Variants in COL5A3 observed in about 807,000 individuals in gnomAD.
COL5A3 encodes collagen type V alpha 3 chain.
A neutral mutation model predicts 250.0 loss-of-function variants in COL5A3; 172 were observed. The ratio of observed to expected loss-of-function variants is 0.69; its 90% CI spans 0.61 to 0.78. The LOEUF (loss-of-function observed/expected upper bound fraction) is 0.78. COL5A3 is among the 30% of genes least tolerant of loss of function. The probability of loss-of-function intolerance (pLI) is 0.00; values close to 1 mark genes in which losing one functional copy is unlikely to be tolerated. For synonymous variants in COL5A3, 937 were observed against 900.4 expected, an observed-to-expected ratio of 1.04 and a Z score of -0.73; for missense variants, 2,340 against 2,334.4, an observed-to-expected ratio of 1.00 and a Z score of -0.05.
chr19:9,993,381 C>T lies in COL5A3; in HGVS notation c.1748G>A (p.Arg583Lys). The T allele has an allele frequency of 1.9e-6, 3 of 1,614,162 alleles. No individual in the cohort carries two copies. The highest frequency in any genetic ancestry group is 2.5e-6 in the Non-Finnish European group (3 of 1,179,998). ...GCCCTAACTCTCTTCCAAACTTACC[C>T]TCTCACCATCCTCTCCTGGGGGACC... ...QPGPPGEDGERGAEGPPGPTG... is the reference protein window; with the variant it reads ...QPGPPGEDGEKGAEGPPGPTG... Residue 583 changes from arginine to lysine, a missense_variant and splice_region_variant, in exon 19 of 67, where the codon AGG becomes AAG. Around this residue, in one of 3 missense-constraint regions of COL5A3, gnomAD observed 1,152 missense variants for 1,146.3 expected, o/e 1.00. Coordinates refer to ENST00000264828, the MANE Select transcript of COL5A3 (RefSeq NM_015719.4).
intron 10 of COL5A3, 53 bp from the exon 11 acceptor site, chr19:9,997,486 C>T: frequency 7.9e-7 from 1 of 1,261,718 alleles, no homozygotes; most frequent in Non-Finnish European, 1.1e-6. Context: ...TTGAGCTAGG[C>T]TGACTTTCAA....
At chr19:10,007,002 T>C (rs1402073058) in intron 1 of COL5A3, among the ~76,000 whole-genome samples, 1 of 149,530 alleles carries the variant, frequency 6.7e-6, no homozygotes, top group East Asian at 2.0e-4. Flanking sequence ...TCCCTCTGAA[T>C]GTCTCCTCTG....
chr19:9,967,398 C>T lies in COL5A3; in HGVS notation c.4407G>A (p.Gly1469=), dbSNP rs201458409. ...CAGTGTCTCCACGGGGGCCCATGGA[C>T]CCCTGTAGGGAGAAGTCACTTGGAG... ...LGQKGSKGSP[G]SMGPRGDTGP... The change falls in exon 62 of 67, where the codon GGG becomes GGA. Residue 1469 remains glycine (G), a splice_region_variant and synonymous_variant. Coordinates refer to ENST00000264828, the MANE Select transcript of COL5A3 (RefSeq NM_015719.4). 1.3e-5 allele frequency: 19 copies of T among 1,491,348 alleles called. No homozygotes were observed. In the East Asian group the frequency reaches 5.2e-4, roughly 41 times the overall value. 92.4% of individuals were successfully genotyped at this position (1,491,348 alleles called of 1,614,324 possible). A position where few individuals can be genotyped will look rare whatever the true frequency, so the allele number is the denominator to read the frequency against.
intron 55 of COL5A3, 61 bp downstream of exon 55, chr19:9,969,808 G>A: frequency 6.3e-7 from 1 of 1,597,708 alleles, no homozygotes; most frequent in Non-Finnish European, 8.6e-7. Flanking sequence ...ACCCTCTCCT[G>A]ATGGCCCCAC....
chr19:9,983,338 TA>T (rs1212887390), intron 31 of COL5A3, among the ~76,000 whole-genome samples: 1 of 151,612 alleles, frequency 6.6e-6, no homozygotes, highest in Admixed American at 6.6e-5. Flanking sequence ...CCTGTCTCTG[TA>T]AAAAATTTAA....
At chr19:9,965,217 C>T (rs1204695886) in intron 64 of COL5A3, among the ~76,000 whole-genome samples, 3 of 147,440 alleles carry the variant, frequency 2.0e-5, no homozygotes, top group South Asian at 2.1e-4. Context: ...TTCAGTGACA[C>T]GATCTCGGCT....
chr19:9,977,714 G>A lies in COL5A3; in HGVS notation c.3019-13C>T. On this transcript the variant is annotated splice_polypyrimidine_tract_variant and intron_variant, in intron 41 of 66. Transcript: ENST00000264828. ...CACCAGGGGAGCCCTGAGAACAGGGGTGATGAATCAGGTATAATACCAGTA... is the reference window on the plus strand; with the variant it reads ...CACCAGGGGAGCCCTGAGAACAGGGATGATGAATCAGGTATAATACCAGTA... The A allele has an allele frequency of 1.3e-6, 2 of 1,552,832 alleles. No homozygotes were observed. Among genetic ancestry groups the A allele is most frequent in the African/African-American group, 1.4e-5 (1 of 72,952 alleles).
chr19:10,004,058 C>A lies in COL5A3; in HGVS notation c.682G>T (p.Ala228Ser). The A allele has an allele frequency of 6.2e-7, 1 of 1,613,700 alleles. No homozygotes were observed. The highest frequency in any genetic ancestry group is 8.5e-7 in the Non-Finnish European group (1 of 1,179,656). Reference protein sequence around the residue: ...ERYLPDCDNLAPAATVAPQGE... With the variant: ...ERYLPDCDNLSPAATVAPQGE... ...TCACTCACCACTGTGGCTGCCGGTG[C>A]CAGGTTGTCACAGTCGGGGAGGTAC... The change falls in exon 5 of 67, where the codon GCA becomes TCA. Residue 228 changes from alanine to serine, a missense_variant. Around this residue, in one of 3 missense-constraint regions of COL5A3, gnomAD observed 1,152 missense variants for 1,146.3 expected, o/e 1.00. Coordinates refer to ENST00000264828, the MANE Select transcript of COL5A3 (RefSeq NM_015719.4).
rs1280384957 is a variant in COL5A3, at chr19:9,993,650, A to G, written c.1664T>C (p.Leu555Pro). Reference sequence around the variant, plus strand: ...GCCCTTCTCACCAGGCAGCCCAGGGAGGCCATCGAAGCCACGATCACCCTG... The same window carrying G: ...GCCCTTCTCACCAGGCAGCCCAGGGGGGCCATCGAAGCCACGATCACCCTG... ...GPKGDRGFDG[L>P]PGLPGEKGQR... Residue 555 changes from leucine (L) to proline (P), a missense_variant, in exon 18 of 67, where the codon CTC (leucine) becomes CCC (proline). By Grantham distance (98) the Leu-to-Pro change is moderately conservative. Transcript: ENST00000264828. The G allele has an allele frequency of 1.9e-6, 3 of 1,614,062 alleles. No homozygotes were observed. The highest frequency in any genetic ancestry group is 1.7e-6 in the Non-Finnish European group (2 of 1,180,016).
intron 32 of COL5A3, 134 bp from the exon 33 acceptor site, chr19:9,981,266 C>T: frequency 1.4e-6 from 1 of 736,694 alleles, no homozygotes. Context: ...TTCAGTCATA[C>T]ACATACACAC....
intron 37 of COL5A3, 21 bp downstream of exon 37, chr19:9,979,818 A>G: frequency 6.3e-7 from 1 of 1,580,754 alleles, no homozygotes; most frequent in East Asian, 2.2e-5. Flanking sequence ...ATCAGGAATC[A>G]AAGGTTGAGG....
At position 9,997,411 on chromosome 19, in the gene COL5A3, G is replaced by C; in HGVS notation, c.1223C>G (p.Pro408Arg). The change falls in exon 11 of 67, where the codon CCT becomes CGT. Residue 408 changes from proline to arginine, a missense_variant. Pro to Arg is a moderately radical substitution (Grantham distance 103). Coordinates refer to ENST00000264828, the MANE Select transcript of COL5A3 (RefSeq NM_015719.4). The part of the protein sequence containing the change: ...GPQGVVGPSG[P>R]PGPPGFPGDP... ...GCCAGGGAATCCTGGGGGGCCGGGA[G>C]GGCCTGAGGGGCCAACCACCCCCTG... The C allele has an allele frequency of 6.2e-7, 1 of 1,608,746 alleles. No homozygotes were observed. Among genetic ancestry groups the C allele is most frequent in the Non-Finnish European group, 8.5e-7 (1 of 1,178,168 alleles).
At chr19:9,964,615 A>G (rs1276923528) in intron 64 of COL5A3, among the ~76,000 whole-genome samples, 14 of 152,094 alleles carry the variant, frequency 9.2e-5, no homozygotes, top group Admixed American at 9.2e-4. Context: ...AAAACAGACA[A>G]AAATAACAAT....
chr19:9,999,632 T>A (rs1233209270), intron 8 of COL5A3, among the ~76,000 whole-genome samples: 2 of 70,942 alleles, frequency 2.8e-5, no homozygotes, highest in South Asian at 3.2e-4. Flanking sequence ...GCCCAGCTAA[T>A]TTTTTTGTAT....
At chr19:10,005,068 T>C (rs1293080302) in intron 4 of COL5A3, among the ~76,000 whole-genome samples, 4 of 152,104 alleles carry the variant, frequency 2.6e-5, no homozygotes, top group Non-Finnish European at 5.9e-5. Context: ...TCACAATTTA[T>C]GGTCTTGGCC....
chr19:9,963,313 C>T (rs928966723), intron 64 of COL5A3, among the ~76,000 whole-genome samples: 2 of 152,064 alleles, frequency 1.3e-5, no homozygotes, highest in East Asian at 3.8e-4. Flanking sequence ...GCCTCAAACT[C>T]CTGGGCTCAA....
chr19:9,991,068 A>T (rs1021464087), intron 24 of COL5A3, among the ~76,000 whole-genome samples: 2 of 152,182 alleles, frequency 1.3e-5, no homozygotes, highest in Non-Finnish European at 2.9e-5. Context: ...CTACAAAAAA[A>T]GAAAATAAGA....
At chr19:9,976,252 G>C (rs2086920561) in intron 45 of COL5A3, among the ~76,000 whole-genome samples, 1 of 149,650 alleles carries the variant, frequency 6.7e-6, no homozygotes, top group African/African-American at 2.5e-5. Context: ...TTGGGTTGGG[G>C]TTGACTCCGA....
chr19:9,978,926 C>T lies in COL5A3; in HGVS notation c.2929G>A (p.Gly977Ser). 2 of 1,517,244 alleles carry T rather than the reference C, an allele frequency of 1.3e-6. No homozygotes were observed. Among genetic ancestry groups the T allele is most frequent in the South Asian group, 2.7e-5 (2 of 75,454 alleles). 94.0% of individuals were successfully genotyped at this position (1,517,244 alleles called of 1,614,324 possible). A position where few individuals can be genotyped will look rare whatever the true frequency, so the allele number is the denominator to read the frequency against. Reference sequence around the variant, plus strand: ...GGGCCCCCTTTGGGGCCGGGAAAGCCCCTGAGTCCAGCTGGCCCTTCTTTC... The same window carrying T: ...GGGCCCCCTTTGGGGCCGGGAAAGCTCCTGAGTCCAGCTGGCCCTTCTTTC... Reference protein sequence around the residue: ...LGKEGPAGLRGFPGPKGGPGD... With the variant: ...LGKEGPAGLRSFPGPKGGPGD... The change falls in exon 40 of 67, where the codon GGC becomes AGC. Residue 977 changes from glycine to serine, a missense_variant. Physicochemically the swap from Gly to Ser is moderately conservative, Grantham distance 56. Around this residue, in one of 3 missense-constraint regions of COL5A3, gnomAD observed 1,179 missense variants for 1,162.6 expected, o/e 1.01. Coordinates refer to ENST00000264828, the MANE Select transcript of COL5A3 (RefSeq NM_015719.4).
Sources: allele counts gnomAD v4.1 joint callset (sites outside exome capture counted in the v4.1 genomes callset), GRCh38; gene constraint gnomAD v4.1.1; regional missense constraint gnomAD v4.1.1; transcripts MANE v1.5; gene names NCBI Gene and HGNC (gene_info 2026-07-23, HGNC 2026-07-21).